Variants in VRK2 observed in about 807,000 individuals in gnomAD.
VRK2 encodes the protein VRK serine/threonine kinase 2.
Under a neutral mutation model 57.6 loss-of-function variants are expected in VRK2, and 60 were observed. The observed-to-expected ratio is 1.04, with a 90% CI of 0.85 to 1.29. The LOEUF is 1.29. VRK2 is among the 50% of genes most tolerant of loss of function. The pLI, the probability that VRK2 is intolerant of heterozygous loss-of-function variation, is 0.00. For missense variants in VRK2, 705 were observed against 588.1 expected, an observed-to-expected ratio of 1.20 and a Z score of -2.06; for synonymous variants, 231 against 199.2, an observed-to-expected ratio of 1.16 and a Z score of -1.35.
At chr2:57,916,252 C>T (rs1670145068) in intron 1 of VRK2, among the ~76,000 whole-genome samples, 5 of 151,738 alleles carry the variant, frequency 3.3e-5, no homozygotes, top group African/African-American at 1.2e-4. Context: ...ACTAAAAATA[C>T]AAAATTAGCC....
intron 4 of VRK2, 54 bp downstream of exon 4, chr2:58,085,004 G>GTGT (rs1195080673): frequency 3.4e-6 from 5 of 1,484,966 alleles, no homozygotes; most frequent in Non-Finnish European, 4.5e-6. Context: ...GCTAAAGTGA[G>GTGT]TGTTGATATT....
At chr2:57,911,153 T>G (rs771451693) in intron 1 of VRK2, among the ~76,000 whole-genome samples, 1 of 152,158 alleles carries the variant, frequency 6.6e-6, no homozygotes, top group East Asian at 1.9e-4. Flanking sequence ...CTCATTACTC[T>G]CACCAGTTAC....
chr2:58,123,237 G>C lies in VRK2; in HGVS notation c.676+4G>C. 6.4e-7 allele frequency: 1 copy of C among 1,572,468 alleles called. No individual in the cohort carries two copies. The highest frequency in any genetic ancestry group is 8.6e-7 in the Non-Finnish European group (1 of 1,168,362). ...TTGGATGCCCACAAGGGAGTAGGTG[G>C]GTTTCTTTTTTCTTTTTCTTATTTT... is the stretch of plus-strand genomic sequence containing the variant. On this transcript the variant is annotated splice_donor_region_variant and intron_variant, in intron 8 of 12. Coordinates refer to ENST00000340157, the MANE Select transcript of VRK2 (RefSeq NM_006296.7).
In VRK2 at chr2:57,983,692, A is replaced by G. The variant is rs537615607; in HGVS notation, c.-438-41973A>G. The stretch of plus-strand genomic sequence containing the variant: ...AATTAGAGCCTGCAAGGGAGAGTGT[A>G]TACAATGCTGCACAAAAACATGTTA... On this transcript the variant is annotated intron_variant, in intron 1 of 15. Coordinates refer to the VRK2 transcript ENST00000417641. Among the ~76,000 whole-genome samples, 7 of 152,354 alleles carry G rather than the reference A, an allele frequency of 4.6e-5. No individual in the cohort carries two copies. In the South Asian group the frequency reaches 1.4e-3, roughly 32 times the overall value.
At chr2:58,134,337 C>T (rs1368766596) in intron 9 of VRK2, among the ~76,000 whole-genome samples, 1 of 152,160 alleles carries the variant, frequency 6.6e-6, no homozygotes, top group Non-Finnish European at 1.5e-5. Flanking sequence ...TGGGGCCGGG[C>T]GCGGTGGCTC....
intron 10 of VRK2, among the ~76,000 whole-genome samples, chr2:58,138,612 C>CT (rs1420341442): frequency 6.6e-6 from 1 of 151,998 alleles, no homozygotes; most frequent in Non-Finnish European, 1.5e-5. Flanking sequence ...TGCAGTTTTC[C>CT]TTTCTTTTGA....
At chr2:58,131,775 C>T (rs775367739) in intron 8 of VRK2, 33 bp from the exon 9 acceptor site, 12 of 1,559,876 alleles carry the variant, frequency 7.7e-6, no homozygotes, top group Non-Finnish European at 6.0e-6. Context: ...CTTGCTTATC[C>T]CTTATCTTTC....
At chr2:57,986,019 C>T (rs1240638374) in intron 1 of VRK2, among the ~76,000 whole-genome samples, 2 of 151,954 alleles carry the variant, frequency 1.3e-5, no homozygotes. Context: ...TAAAGAATAC[C>T]TTTAGATGTC....
chr2:57,998,843 TA>T (rs1269303287), intron 1 of VRK2, among the ~76,000 whole-genome samples: 1 of 152,172 alleles, frequency 6.6e-6, no homozygotes, highest in African/African-American at 2.4e-5. Context: ...GTCTTCCAAA[TA>T]ACACAGATGC....
chr2:58,138,332 T>C (rs544774368), intron 10 of VRK2, among the ~76,000 whole-genome samples: 2 of 152,248 alleles, frequency 1.3e-5, no homozygotes, highest in East Asian at 3.9e-4. Context: ...TAGCAGCACT[T>C]GCTAGTTAAC....
At position 58,139,777 on chromosome 2, in the gene VRK2, T is replaced by C; in HGVS notation, c.968T>C (p.Leu323Pro). 1 of 1,613,182 alleles carries C rather than the reference T, an allele frequency of 6.2e-7. No individual in the cohort carries two copies. Among genetic ancestry groups the C allele is most frequent in the Non-Finnish European group, 8.5e-7 (1 of 1,179,406 alleles). ...LNPHGIPLGP[L>P]DFSTKGQSIN... ...CCTCATGGAATACCTTTAGGACCACTGGACTTTTCCACAAAAGGACAGAGT... is the reference window on the plus strand; with the variant it reads ...CCTCATGGAATACCTTTAGGACCACCGGACTTTTCCACAAAAGGACAGAGT... Residue 323 changes from leucine to proline, a missense_variant, in exon 11 of 13, where the codon CTG (leucine) becomes CCG (proline). By Grantham distance (98) the Leu-to-Pro change is moderately conservative. Coordinates refer to ENST00000340157, the MANE Select transcript of VRK2 (RefSeq NM_006296.7).
At chr2:58,026,655 G>A (rs936018788) in intron 2 of VRK2, 4 of 152,228 alleles carry the variant, frequency 2.6e-5, no homozygotes, top group African/African-American at 9.6e-5. Context: ...CATCGAAAGG[G>A]AAATCTTTCT....
At chr2:58,130,929 T>A (rs1679100493) in intron 8 of VRK2, among the ~76,000 whole-genome samples, 1 of 152,166 alleles carries the variant, frequency 6.6e-6, no homozygotes, top group Non-Finnish European at 1.5e-5. Context: ...ATACATTTCC[T>A]AGGTTTCATT....
chr2:58,067,664 C>T (rs1668787117), intron 2 of VRK2, among the ~76,000 whole-genome samples: 1 of 151,984 alleles, frequency 6.6e-6, no homozygotes, highest in Non-Finnish European at 1.5e-5. Flanking sequence ...GGCTATATCT[C>T]ACAGATTTTT....
At chr2:57,930,351 G>C (rs898274809) in intron 1 of VRK2, among the ~76,000 whole-genome samples, 5 of 152,142 alleles carry the variant, frequency 3.3e-5, no homozygotes, top group African/African-American at 1.2e-4. Flanking sequence ...ACAACTCTGA[G>C]TTCCAATGCA....
chr2:58,047,389 C>A (rs1188101925), intron 1 of VRK2: 3 of 984,624 alleles, frequency 3.0e-6, no homozygotes, highest in Non-Finnish European at 3.6e-6. Context: ...ACCCAGAAGC[C>A]GAAGGGACAC....
intron 1 of VRK2, among the ~76,000 whole-genome samples, chr2:57,952,790 T>C (rs769741425): frequency 4.6e-5 from 7 of 150,764 alleles, no homozygotes; most frequent in Non-Finnish European, 1.0e-4. Context: ...TATTGCATTG[T>C]TAATTGAAAC....
intron 1 of VRK2, among the ~76,000 whole-genome samples, chr2:57,958,460 C>T (rs991761745): frequency 1.3e-5 from 2 of 148,922 alleles, no homozygotes; most frequent in African/African-American, 2.5e-5. Flanking sequence ...TATATATATA[C>T]ATGTATATAT....
chr2:58,068,383 T>TGGGAAAA (rs1207512141), intron 2 of VRK2, among the ~76,000 whole-genome samples: 3 of 152,206 alleles, frequency 2.0e-5, no homozygotes, highest in Non-Finnish European at 2.9e-5. Flanking sequence ...TTTCTGATGA[T>TGGGAAAA]AAATTTGCAG....
Sources: gnomAD v4.1 joint callset for allele counts (sites outside exome capture counted in the v4.1 genomes callset) on GRCh38, gnomAD v4.1.1 for gene constraint, MANE v1.5 for transcripts, NCBI Gene and HGNC (gene_info 2026-07-23, HGNC 2026-07-21) for gene names.